VPS13B: variants seen among roughly 807,000 people sequenced by gnomAD.
The protein encoded by VPS13B is vacuolar protein sorting 13 homolog B, also known as intermembrane lipid transfer protein VPS13B.
VPS13B carries 285 observed loss-of-function variants against 426.4 expected under a neutral mutation model. The ratio of observed to expected loss-of-function variants is 0.67; its 90% CI spans 0.61 to 0.74. VPS13B has a LOEUF of 0.74. Ranked by LOEUF, VPS13B falls within the 30% of genes least tolerant of loss-of-function variation. The probability of loss-of-function intolerance (pLI) is 0.00; values close to 1 mark genes in which losing one functional copy is unlikely to be tolerated. For synonymous variants in VPS13B, 1,676 were observed against 1,676.4 expected, an observed-to-expected ratio of 1.00 and a Z score of 0.01; for missense variants, 4,537 against 4,782.6, an observed-to-expected ratio of 0.95 and a Z score of 1.51.
rs60698750 is a variant in VPS13B at position 99,250,664 on chromosome 8, C to CTTTTTTTTTTTTTTTTTTTTTT, written c.2516-23517_2516-23496dup. On this transcript the variant is annotated intron_variant, in intron 17 of 61. Transcript: ENST00000357162. ...CTGTCCACTAATCCGTGTGTTTATT[C>CTTTTTTTTTTTTTTTTTTTTTT]TTTTTTTTTTTTTTTTTTTTTTTTT... is the stretch of plus-strand genomic sequence containing the variant. Among the ~76,000 whole-genome samples the CTTTTTTTTTTTTTTTTTTTTTT allele has an allele frequency of 1.4e-4, 5 of 35,806 alleles. 2 individuals are homozygous for CTTTTTTTTTTTTTTTTTTTTTT. The highest frequency in any genetic ancestry group is 2.3e-4 in the Non-Finnish European group (5 of 21,420). 23.5% of individuals were successfully genotyped at this position (35,806 alleles called of 152,430 possible).
intron 43 of VPS13B, among the ~76,000 whole-genome samples, chr8:99,803,614 T>C (rs1400641006): frequency 1.3e-5 from 2 of 152,236 alleles, no homozygotes; most frequent in Non-Finnish European, 2.9e-5. Context: ...AGTTTCAGCA[T>C]TGAATTGACA....
At chr8:99,283,884 C>T (rs1057367388) in intron 19 of VPS13B, among the ~76,000 whole-genome samples, 1 of 152,094 alleles carries the variant, frequency 6.6e-6, no homozygotes, top group Non-Finnish European at 1.5e-5. Flanking sequence ...AGGACATTGC[C>T]TTTTGAAAAT....
At position 99,702,656 on chromosome 8, in the gene VPS13B, T is replaced by A. The variant is rs768651903; in HGVS notation, c.6454+2724T>A. On this transcript the variant is annotated intron_variant, in intron 36 of 61. Transcript: ENST00000357162. ...TCACTTTCTCTTTGATCCTTTTTGATGTGCTGATTTTAATAAACACAGTCA... is the reference window on the plus strand; with the variant it reads ...TCACTTTCTCTTTGATCCTTTTTGAAGTGCTGATTTTAATAAACACAGTCA... Among the ~76,000 whole-genome samples the A allele has an allele frequency of 1.4e-4, 21 of 152,274 alleles. No individual in the cohort carries two copies. The East Asian group carries it at 3.5e-3, about 25-fold the overall frequency.
At chr8:99,794,126 G>A (rs896344006) in intron 43 of VPS13B, among the ~76,000 whole-genome samples, 1 of 152,184 alleles carries the variant, frequency 6.6e-6, no homozygotes, top group Admixed American at 6.5e-5. Flanking sequence ...AAAAGAACTT[G>A]GCTCTCTATA....
intron 39 of VPS13B, among the ~76,000 whole-genome samples, chr8:99,732,603 G>A (rs1019956122): frequency 7.4e-4 from 113 of 152,292 alleles, no homozygotes; most frequent in African/African-American, 2.6e-3. Flanking sequence ...TAACACCAAG[G>A]AACTGTCCAC....
intron 39 of VPS13B, among the ~76,000 whole-genome samples, chr8:99,755,930 G>C (rs1390042366): frequency 2.0e-5 from 3 of 151,820 alleles, no homozygotes; most frequent in Non-Finnish European, 4.4e-5. Flanking sequence ...TTTCAAGAAA[G>C]TAGTATGAGA....
intron 24 of VPS13B, among the ~76,000 whole-genome samples, chr8:99,475,900 A>G (rs929272778): frequency 6.6e-6 from 1 of 152,242 alleles, no homozygotes; most frequent in African/African-American, 2.4e-5. Flanking sequence ...CTCGAAATGT[A>G]GTAACTCTTA....
At chr8:99,072,546 C>A (rs888858205) in intron 3 of VPS13B, among the ~76,000 whole-genome samples, 1 of 152,078 alleles carries the variant, frequency 6.6e-6, no homozygotes, top group Admixed American at 6.5e-5. Context: ...CAGGTGGAGC[C>A]AGGGGTGCGG....
chr8:99,775,065 G>A (rs1267186048), intron 40 of VPS13B, among the ~76,000 whole-genome samples: 3 of 152,264 alleles, frequency 2.0e-5, no homozygotes, highest in Admixed American at 6.5e-5. Context: ...AAAACCCAAT[G>A]GAAGATTCAC....
chr8:99,044,076 C>CT (rs1843091603), intron 3 of VPS13B, among the ~76,000 whole-genome samples: 2 of 106,374 alleles, frequency 1.9e-5, no homozygotes, highest in East Asian at 2.5e-4. Flanking sequence ...TTTTTTTTTT[C>CT]TTTCTTTCTT....
intron 19 of VPS13B, chr8:99,340,869 G>A (rs954055886): frequency 1.3e-5 from 4 of 311,440 alleles, no homozygotes; most frequent in African/African-American, 4.5e-5. Flanking sequence ...TTTGTGGGTG[G>A]CTGGTTCAGC....
At chr8:99,065,171 C>T (rs1325621427) in intron 3 of VPS13B, among the ~76,000 whole-genome samples, 1 of 152,038 alleles carries the variant, frequency 6.6e-6, no homozygotes, top group South Asian at 2.1e-4. Context: ...ATTGTAAAGA[C>T]CATGAATGCT....
intron 28 of VPS13B, among the ~76,000 whole-genome samples, chr8:99,510,572 G>A (rs891499837): frequency 2.6e-5 from 4 of 152,080 alleles, no homozygotes; most frequent in South Asian, 2.1e-4. Context: ...GCTCAATCTC[G>A]GCTCACTGCA....
At chr8:99,372,675 C>T (rs745852748) in intron 19 of VPS13B, among the ~76,000 whole-genome samples, 12 of 152,090 alleles carry the variant, frequency 7.9e-5, no homozygotes, top group South Asian at 4.1e-4. Context: ...CAGATGCTGG[C>T]GAGGCTGTGG....
chr8:99,027,935 GTGA>G (rs1242277269), intron 2 of VPS13B, among the ~76,000 whole-genome samples: 1 of 152,070 alleles, frequency 6.6e-6, no homozygotes, highest in Non-Finnish European at 1.5e-5. Flanking sequence ...TTAGGGAGTG[GTGA>G]TGACTCTTAA....
At chr8:99,141,551 G>A (rs566481539) in intron 12 of VPS13B, among the ~76,000 whole-genome samples, 2 of 152,126 alleles carry the variant, frequency 1.3e-5, no homozygotes, top group Non-Finnish European at 2.9e-5. Flanking sequence ...TGGTTTTGAT[G>A]TGAATGGTAT....
intron 17 of VPS13B, among the ~76,000 whole-genome samples, chr8:99,220,599 G>T (rs1815654590): frequency 1.3e-5 from 2 of 152,068 alleles, no homozygotes; most frequent in Non-Finnish European, 1.5e-5. Context: ...TAGAAACAAA[G>T]ATTTGATTGG....
At chr8:99,136,622 CT>C in intron 11 of VPS13B, 42 bp from the exon 12 acceptor site, 1 of 1,606,392 alleles carries the variant, frequency 6.2e-7, no homozygotes, top group Non-Finnish European at 8.5e-7. Flanking sequence ...TCAAAAGTTT[CT>C]TTTATACAAT....
chr8:99,329,421 A>G (rs1810442790), intron 19 of VPS13B, among the ~76,000 whole-genome samples: 1 of 152,092 alleles, frequency 6.6e-6, no homozygotes, highest in Non-Finnish European at 1.5e-5. Flanking sequence ...TGGTCTATAT[A>G]TTTTGTTTTG....
Sources: allele counts gnomAD v4.1 joint callset (sites outside exome capture counted in the v4.1 genomes callset), GRCh38; gene constraint gnomAD v4.1.1; transcripts MANE v1.5; gene names NCBI Gene and HGNC (gene_info 2026-07-23, HGNC 2026-07-21).